The following MARCHF1 variants were observed in gnomAD, a reference collection of about 807,000 sequenced individuals.
The protein encoded by MARCHF1 is membrane associated ring-CH-type finger 1.
A neutral mutation model predicts 54.2 loss-of-function variants in MARCHF1; 40 were observed. The observed-to-expected ratio is 0.74, with a 90% CI of 0.57 to 0.96. The LOEUF is 0.96. MARCHF1 is among the 40% of genes least tolerant of loss of function. The pLI is 0.00. For synonymous variants in MARCHF1, 236 were observed against 236.3 expected, an observed-to-expected ratio of 1.00 and a Z score of 0.01; for missense variants, 586 against 656.5, an observed-to-expected ratio of 0.89 and a Z score of 1.17.
chr4:164,013,312 T>C (rs1753464210), intron 2 of MARCHF1, among the ~76,000 whole-genome samples: 2 of 151,570 alleles, frequency 1.3e-5, no homozygotes, highest in African/African-American at 4.9e-5. Flanking sequence ...AAAGAATTAA[T>C]GAGCTCAAAG....
chr4:163,760,049 T>C (rs1488366098), intron 4 of MARCHF1, among the ~76,000 whole-genome samples: 1 of 152,208 alleles, frequency 6.6e-6, no homozygotes, highest in Non-Finnish European at 1.5e-5. Context: ...TGTGTCTCAC[T>C]GGCTAAAATC....
chr4:163,551,288 C>T (rs987869562), intron 8 of MARCHF1, among the ~76,000 whole-genome samples: 2 of 152,124 alleles, frequency 1.3e-5, no homozygotes, highest in Non-Finnish European at 2.9e-5. Flanking sequence ...CTATTAAAAT[C>T]TAATTATACT....
At chr4:164,210,735 G>A (rs1389094241) in intron 1 of MARCHF1, among the ~76,000 whole-genome samples, 1 of 152,066 alleles carries the variant, frequency 6.6e-6, no homozygotes, top group Non-Finnish European at 1.5e-5. Flanking sequence ...AGAAAGGCAG[G>A]AGGAATCTGA....
At chr4:164,223,522 T>C (rs575434073) in intron 1 of MARCHF1, among the ~76,000 whole-genome samples, 2 of 152,110 alleles carry the variant, frequency 1.3e-5, no homozygotes, top group South Asian at 2.1e-4. Context: ...GCAATAGATA[T>C]TTATGTGTTC....
intron 1 of MARCHF1, among the ~76,000 whole-genome samples, chr4:164,285,819 T>TAA (rs78385104): frequency 0.065 from 6,176 of 95,522 alleles, 204 homozygotes; most frequent in Middle Eastern, 0.089. Context: ...TGTAGTTCTT[T>TAA]AAAAAAAAAA....
intron 1 of MARCHF1, among the ~76,000 whole-genome samples, chr4:164,375,365 C>T (rs1033574891): frequency 1.3e-5 from 2 of 152,124 alleles, no homozygotes; most frequent in African/African-American, 4.8e-5. Context: ...GTAAAAACTA[C>T]TTAGTTATAT....
chr4:163,821,435 G>A (rs1194807667), intron 4 of MARCHF1, among the ~76,000 whole-genome samples: 5 of 151,894 alleles, frequency 3.3e-5, no homozygotes, highest in Admixed American at 2.0e-4. Flanking sequence ...TAGGCATTCA[G>A]TAAATATTTG....
intron 1 of MARCHF1, among the ~76,000 whole-genome samples, chr4:164,138,467 C>T (rs1253420370): frequency 6.6e-6 from 1 of 152,132 alleles, no homozygotes; most frequent in East Asian, 1.9e-4. Context: ...TTTGAGATCA[C>T]TTCCAAGAAG....
At chr4:164,279,792 C>G (rs1204262117) in intron 1 of MARCHF1, among the ~76,000 whole-genome samples, 1 of 151,496 alleles carries the variant, frequency 6.6e-6, no homozygotes, top group Non-Finnish European at 1.5e-5. Flanking sequence ...CTATTTCTAA[C>G]TAGAAGAATA....
chr4:163,723,111 T>C (rs1047573047), intron 4 of MARCHF1, among the ~76,000 whole-genome samples: 1 of 152,248 alleles, frequency 6.6e-6, no homozygotes, highest in Admixed American at 6.5e-5. Flanking sequence ...TGCAGTTTCT[T>C]CCTAGCCTCA....
intron 5 of MARCHF1, among the ~76,000 whole-genome samples, chr4:163,694,469 T>C (rs1315933458): frequency 6.6e-6 from 1 of 152,180 alleles, no homozygotes; most frequent in Non-Finnish European, 1.5e-5. Context: ...CTTGCTCCCT[T>C]GCCTCAAGAG....
chr4:164,207,975 A>G (rs1360199404), intron 1 of MARCHF1, among the ~76,000 whole-genome samples: 1 of 152,094 alleles, frequency 6.6e-6, no homozygotes, highest in South Asian at 2.1e-4. Context: ...TTAAAATAAA[A>G]GTTGAAAAAA....
At chr4:163,931,588 G>A (rs1013417589) in intron 3 of MARCHF1, among the ~76,000 whole-genome samples, 2 of 152,146 alleles carry the variant, frequency 1.3e-5, no homozygotes, top group Non-Finnish European at 2.9e-5. Context: ...GGACTTCTCA[G>A]CTTCCAGAAA....
chr4:163,568,548 G>A (rs1056386660), intron 8 of MARCHF1, among the ~76,000 whole-genome samples: 8 of 152,042 alleles, frequency 5.3e-5, no homozygotes, highest in Non-Finnish European at 7.4e-5. Context: ...CAAAAGACTC[G>A]AGCCTACCTA....
chr4:163,663,519 T>C (rs1296615995), intron 5 of MARCHF1, among the ~76,000 whole-genome samples: 1 of 152,130 alleles, frequency 6.6e-6, no homozygotes, highest in Non-Finnish European at 1.5e-5. Context: ...CTGAATGATT[T>C]TGGATCATCT....
At chr4:164,017,477 T>C (rs1385406323) in intron 2 of MARCHF1, among the ~76,000 whole-genome samples, 2 of 151,960 alleles carry the variant, frequency 1.3e-5, no homozygotes, top group East Asian at 3.8e-4. Context: ...AATTACACAA[T>C]TGAAAACCAA....
At chr4:163,865,759 A>C (rs901179762) in intron 3 of MARCHF1, among the ~76,000 whole-genome samples, 1 of 151,698 alleles carries the variant, frequency 6.6e-6, no homozygotes, top group African/African-American at 2.4e-5. Context: ...TATAATATAA[A>C]ATCTAAATAG....
Position 164,344,692 on chromosome 4 carries a change from T to C in MARCHF1, c.-323+39178A>G, listed in dbSNP as rs143054983. 2.7e-3 allele frequency among the ~76,000 whole-genome samples: 414 copies of C among 152,294 alleles called. 1 individual carries two copies. The highest frequency in any genetic ancestry group is 9.3e-3 in the African/African-American group (386 of 41,566). ...TAGCATTCAGAAATTAATTTGGAGT[T>C]TGTGAACTACTTTTTGCCCTGTTAT... On this transcript the variant is annotated intron_variant, in intron 1 of 9. Coordinates refer to ENST00000514618, the MANE Select transcript of MARCHF1 (RefSeq NM_001394959.1).
At chr4:163,966,746 T>C (rs547760216) in intron 3 of MARCHF1, among the ~76,000 whole-genome samples, 30 of 152,260 alleles carry the variant, frequency 2.0e-4, no homozygotes, top group African/African-American at 7.2e-4. Flanking sequence ...GGGAATCACT[T>C]GTCCAGTGCC....
Sources: allele counts gnomAD v4.1 joint callset (sites outside exome capture counted in the v4.1 genomes callset), GRCh38; gene constraint gnomAD v4.1.1; transcripts MANE v1.5; gene names NCBI Gene and HGNC (gene_info 2026-07-23, HGNC 2026-07-21).